THSD4: variants seen among roughly 807,000 people sequenced by gnomAD.
THSD4 encodes thrombospondin type 1 domain containing 4.
Under a neutral mutation model 119.0 loss-of-function variants are expected in THSD4, and 69 were observed. That is an observed-to-expected ratio of 0.58 (90% CI 0.48 to 0.71). The LOEUF is 0.71. THSD4 is among the 30% of genes least tolerant of loss of function. The pLI is 0.00. For synonymous variants in THSD4, 524 were observed against 540.4 expected, an observed-to-expected ratio of 0.97 and a Z score of 0.42; for missense variants, 1,393 against 1,391.1, an observed-to-expected ratio of 1.00 and a Z score of -0.02.
At chr15:71,476,586 C>T (rs1324382605) in intron 7 of THSD4, among the ~76,000 whole-genome samples, 1 of 152,228 alleles carries the variant, frequency 6.6e-6, no homozygotes, top group African/African-American at 2.4e-5. Context: ...TAGCTCCCTT[C>T]AGACAATTTC....
At chr15:71,762,225 C>T (rs74022428) in intron 15 of THSD4, among the ~76,000 whole-genome samples, 1,738 of 152,162 alleles carry the variant, frequency 0.011, 34 homozygotes, top group African/African-American at 0.039. Context: ...ACTTTCCAGA[C>T]GCACATATTC....
intron 8 of THSD4, among the ~76,000 whole-genome samples, chr15:71,721,498 T>A (rs2052722011): frequency 1.1e-5 from 1 of 92,282 alleles, no homozygotes; most frequent in Non-Finnish European, 2.3e-5. Flanking sequence ...CAGAGCGAGA[T>A]TCTGTCTTAA....
In THSD4 at chr15:71,737,616, C is replaced by A. The variant is rs945489139; in HGVS notation, c.1631-116C>A. 6.5e-6 allele frequency: 9 copies of A among 1,375,730 alleles called. No individual in the cohort carries two copies. The African/African-American group carries it at 1.0e-4, about 16-fold the overall frequency. The allele number at this position is 1,375,730 out of a possible 1,614,324, so 85.2% of individuals were successfully genotyped here. A position where few individuals can be genotyped will look rare whatever the true frequency, so the allele number is the denominator to read the frequency against. On this transcript the variant is annotated intron_variant, in intron 10 of 17. Transcript: ENST00000261862. ...TATTTTAAACAGATGTGCTTATGTG[C>A]TGTGACTTAGAAACGATCTCATGCT...
At chr15:71,100,024 C>T (rs1166982830) in intron 1 of THSD4, among the ~76,000 whole-genome samples, 3 of 152,152 alleles carry the variant, frequency 2.0e-5, no homozygotes, top group Admixed American at 2.0e-4. Context: ...TTCTCTTAGG[C>T]AGTATGTAGT....
intron 16 of THSD4, among the ~76,000 whole-genome samples, chr15:71,768,818 T>C (rs1263071441): frequency 6.7e-6 from 1 of 149,894 alleles, no homozygotes; most frequent in Non-Finnish European, 1.5e-5. Context: ...TCTGACCTGC[T>C]CTGCCCGCCT....
Position 71,777,865 on chromosome 15 carries a change from C to G in THSD4, c.*491C>G, listed in dbSNP as rs1567148951. On this transcript the variant is annotated 3_prime_UTR_variant, in exon 18 of 18. Coordinates refer to ENST00000261862, the MANE Select transcript of THSD4 (RefSeq NM_024817.3). ...CCTCTGTGACCTCAGCCCAGATGTG[C>G]CTGTTTTCATTCTCAAAGACATTAG... 6.0e-6 allele frequency: 1 copy of G among 167,244 alleles called. No homozygotes were observed. Among genetic ancestry groups the G allele is most frequent in the Non-Finnish European group, 1.3e-5 (1 of 75,636 alleles). 10.4% of individuals were successfully genotyped at this position (167,244 alleles called of 1,614,324 possible).
At chr15:71,130,669 G>T (rs2040495196) in intron 1 of THSD4, among the ~76,000 whole-genome samples, 1 of 152,172 alleles carries the variant, frequency 6.6e-6, no homozygotes, top group African/African-American at 2.4e-5. Flanking sequence ...CTGCTTCATA[G>T]GGTTGTCTTT....
At chr15:71,687,482 G>C (rs1009069371) in intron 8 of THSD4, among the ~76,000 whole-genome samples, 1 of 152,116 alleles carries the variant, frequency 6.6e-6, no homozygotes, top group Non-Finnish European at 1.5e-5. Context: ...TTGGCCAGGC[G>C]CCATTGCTCA....
chr15:71,231,310 A>G (rs933408261), intron 4 of THSD4, among the ~76,000 whole-genome samples: 1 of 152,042 alleles, frequency 6.6e-6, no homozygotes, highest in Non-Finnish European at 1.5e-5. Flanking sequence ...GCTCTGTTTT[A>G]TTTTGGCAGC....
chr15:71,637,807 C>G (rs547710118), intron 7 of THSD4, among the ~76,000 whole-genome samples: 1 of 151,712 alleles, frequency 6.6e-6, no homozygotes. Context: ...CTCAGTGCAA[C>G]CTCTGCCTCC....
chr15:71,122,537 C>T (rs1229619522), intron 1 of THSD4, among the ~76,000 whole-genome samples: 7 of 152,306 alleles, frequency 4.6e-5, no homozygotes, highest in East Asian at 3.9e-4. Flanking sequence ...TTCACATGAG[C>T]GCATATACGC....
intron 4 of THSD4, among the ~76,000 whole-genome samples, chr15:71,239,687 T>G (rs115938004): frequency 6.6e-6 from 1 of 152,168 alleles, no homozygotes; most frequent in Admixed American, 6.5e-5. Context: ...GCCTACCACA[T>G]GATTCTCCTG....
At chr15:71,467,917 C>T (rs1034422593) in intron 7 of THSD4, among the ~76,000 whole-genome samples, 1 of 150,944 alleles carries the variant, frequency 6.6e-6, no homozygotes, top group African/African-American at 2.4e-5. Context: ...GGCATGATCT[C>T]GGCTCACTGC....
intron 7 of THSD4, among the ~76,000 whole-genome samples, chr15:71,412,306 A>G (rs1487543009): frequency 6.6e-6 from 1 of 152,222 alleles, no homozygotes; most frequent in Non-Finnish European, 1.5e-5. Flanking sequence ...TTAAACAGGA[A>G]GTTTTCAACC....
At chr15:71,596,000 A>C (rs1595768460) in intron 7 of THSD4, among the ~76,000 whole-genome samples, 1 of 152,278 alleles carries the variant, frequency 6.6e-6, no homozygotes, top group East Asian at 1.9e-4. Flanking sequence ...CAGGACATGC[A>C]TCATCCATCC....
intron 7 of THSD4, among the ~76,000 whole-genome samples, chr15:71,630,735 G>A (rs2050610348): frequency 6.6e-6 from 1 of 152,206 alleles, no homozygotes; most frequent in African/African-American, 2.4e-5. Context: ...GATCCCCTCA[G>A]AGACACATGG....
At chr15:71,669,978 AC>A (rs1448480018) in intron 8 of THSD4, among the ~76,000 whole-genome samples, 2 of 152,112 alleles carry the variant, frequency 1.3e-5, no homozygotes, top group Non-Finnish European at 2.9e-5. Context: ...TGCTTAACAA[AC>A]CTGTTTAGTT....
chr15:71,401,247 A>C (rs1197115661), intron 6 of THSD4, among the ~76,000 whole-genome samples: 3 of 152,208 alleles, frequency 2.0e-5, no homozygotes, highest in Non-Finnish European at 4.4e-5. Flanking sequence ...AAAATTCCTA[A>C]GAATACAGCA....
intron 7 of THSD4, among the ~76,000 whole-genome samples, chr15:71,577,450 T>C (rs562865976): frequency 3.9e-5 from 6 of 152,158 alleles, no homozygotes; most frequent in African/African-American, 1.4e-4. Context: ...AGTTGTAAAA[T>C]ACGAGGAGGA....
Sources: allele counts gnomAD v4.1 joint callset (sites outside exome capture counted in the v4.1 genomes callset), GRCh38; gene constraint gnomAD v4.1.1; transcripts MANE v1.5; gene names NCBI Gene and HGNC (gene_info 2026-07-23, HGNC 2026-07-21).